KCNJ6: variants seen among roughly 807,000 people sequenced by gnomAD.
KCNJ6 encodes the protein G protein-activated inward rectifier potassium channel 2.
KCNJ6 carries 9 observed loss-of-function variants against 34.2 expected under a neutral mutation model. That is an observed-to-expected ratio of 0.26 (90% CI 0.16 to 0.46). The LOEUF is 0.46. Among genes scored for constraint, KCNJ6 ranks in the 20% least tolerant of loss-of-function variants. KCNJ6 has a pLI of 1.00. For synonymous variants in KCNJ6, 196 were observed against 207.1 expected (o/e 0.95, Z 0.46); for missense variants, 236 against 531.3 (o/e 0.44, Z 5.46).
In KCNJ6 at chr21:37,735,556, C is replaced by T. The variant is rs142869971; in HGVS notation, c.26-20425G>A. ...ATGATGACTTGGCAACTAGGGAGGT[C>T]GGGGCCAGGGCCAGTGTAGTATCCA... is the stretch of plus-strand genomic sequence containing the variant. On this transcript the variant is annotated intron_variant, in intron 2 of 3. Coordinates refer to ENST00000609713, the MANE Select transcript of KCNJ6 (RefSeq NM_002240.5). Among the ~76,000 whole-genome samples the T allele has an allele frequency of 1.5e-3, 232 of 152,292 alleles. 5 individuals carry two copies. The East Asian group carries it at 0.042, about 27-fold the overall frequency.
chr21:37,845,221 G>A (rs2055500573), intron 1 of KCNJ6, among the ~76,000 whole-genome samples: 2 of 152,186 alleles, frequency 1.3e-5, no homozygotes, highest in African/African-American at 4.8e-5. Context: ...TTCCCTGGGG[G>A]AGCCAAGGGT....
chr21:37,721,601 G>C (rs2054826617), intron 2 of KCNJ6, among the ~76,000 whole-genome samples: 1 of 152,222 alleles, frequency 6.6e-6, no homozygotes, highest in African/African-American at 2.4e-5. Flanking sequence ...AAAGGAAGGA[G>C]ATTCTGATAT....
intron 2 of KCNJ6, among the ~76,000 whole-genome samples, chr21:37,747,546 T>A (rs2054973453): frequency 6.6e-6 from 1 of 152,338 alleles, no homozygotes; most frequent in East Asian, 1.9e-4. Context: ...AGGTTGCTAA[T>A]CAGCTGACCT....
chr21:37,880,852 C>G (rs1053977689), intron 1 of KCNJ6, among the ~76,000 whole-genome samples: 1 of 152,198 alleles, frequency 6.6e-6, no homozygotes, highest in South Asian at 2.1e-4. Context: ...CCAAGGAAAA[C>G]AGATGAGAAC....
chr21:37,673,055 G>A (rs765110050), intron 3 of KCNJ6, among the ~76,000 whole-genome samples: 5 of 152,200 alleles, frequency 3.3e-5, no homozygotes, highest in Non-Finnish European at 7.3e-5. Context: ...TTCTCAAAAC[G>A]TTTTTAATGA....
At chr21:37,818,164 G>A (rs2029932397) in intron 2 of KCNJ6, among the ~76,000 whole-genome samples, 1 of 151,430 alleles carries the variant, frequency 6.6e-6, no homozygotes, top group Non-Finnish European at 1.5e-5. Context: ...TACATTTCTT[G>A]CTATATATAG....
intron 3 of KCNJ6, among the ~76,000 whole-genome samples, chr21:37,626,997 T>G (rs1191927429): frequency 1.3e-5 from 2 of 152,204 alleles, no homozygotes; most frequent in Non-Finnish European, 2.9e-5. Context: ...CCAGTCAGTA[T>G]GTCATCTGTT....
intron 2 of KCNJ6, among the ~76,000 whole-genome samples, chr21:37,822,861 C>A (rs1386557907): frequency 6.6e-6 from 1 of 152,046 alleles, no homozygotes; most frequent in Non-Finnish European, 1.5e-5. Flanking sequence ...GAATTGACAC[C>A]AAAACGGGGG....
At chr21:37,652,873 T>C (rs2054440116) in intron 3 of KCNJ6, among the ~76,000 whole-genome samples, 1 of 152,170 alleles carries the variant, frequency 6.6e-6, no homozygotes, top group Non-Finnish European at 1.5e-5. Flanking sequence ...AGCTAGGGGA[T>C]TCCTGTCTGA....
At chr21:37,796,097 C>T (rs541337854) in intron 2 of KCNJ6, among the ~76,000 whole-genome samples, 3 of 152,250 alleles carry the variant, frequency 2.0e-5, no homozygotes, top group South Asian at 2.1e-4. Flanking sequence ...GCGCTGTGAT[C>T]GGCTTCTATG....
Position 37,699,348 on chromosome 21 carries a change from A to G in KCNJ6, c.946+14863T>C, listed in dbSNP as rs1378836921. Among the ~76,000 whole-genome samples the G allele has an allele frequency of 4.6e-5, 7 of 152,084 alleles. No homozygotes were observed. The East Asian group carries it at 1.2e-3, about 25-fold the overall frequency. ...TTTTACCTTTCAAAAGGCCTTTTGC[A>G]TAGTTTTGGAGGCTCATCCTTCCCA... On this transcript the variant is annotated intron_variant, in intron 3 of 3. Coordinates refer to ENST00000609713, the MANE Select transcript of KCNJ6 (RefSeq NM_002240.5).
intron 2 of KCNJ6, among the ~76,000 whole-genome samples, chr21:37,760,539 G>T (rs986173688): frequency 6.6e-6 from 1 of 152,196 alleles, no homozygotes; most frequent in East Asian, 1.9e-4. Flanking sequence ...GTCCAACAGC[G>T]TGAGGCTTCT....
rs1255465719 is a variant in KCNJ6 at position 37,609,807 on chromosome 21, T to G, written c.*15352A>C. 2 of 152,200 alleles carry G rather than the reference T, an allele frequency of 1.3e-5. No individual in the cohort carries two copies. Among genetic ancestry groups the G allele is most frequent in the African/African-American group, 2.4e-5 (1 of 41,432 alleles). The allele number at this position is 152,200 out of a possible 1,614,324, so 9.4% of individuals were successfully genotyped here. A position where few individuals can be genotyped will look rare whatever the true frequency, so the allele number is the denominator to read the frequency against. On this transcript the variant is annotated 3_prime_UTR_variant, in exon 4 of 4. Coordinates refer to ENST00000609713, the MANE Select transcript of KCNJ6 (RefSeq NM_002240.5). The stretch of plus-strand genomic sequence containing the variant: ...CTGGATTTGGGTTAAAAGCAAATTG[T>G]CAGTAGCCTGCTGGAGCTGAAGGAA...
At position 37,823,146 on chromosome 21, in the gene KCNJ6, C is replaced by T. The variant is rs188149258; in HGVS notation, c.25+17512G>A. Among the ~76,000 whole-genome samples the T allele has an allele frequency of 1.4e-3, 210 of 152,240 alleles. 1 individual carries two copies. The highest frequency in any genetic ancestry group is 4.7e-3 in the African/African-American group (196 of 41,544). On this transcript the variant is annotated intron_variant, in intron 2 of 3. Transcript: ENST00000609713. ...CAGGCAGGCCCCCAGCCCCAGTCTG[C>T]AGGCCAGCACCTGCCGAACCAGCCC...
chr21:37,629,805 G>A (rs985891906), intron 3 of KCNJ6, among the ~76,000 whole-genome samples: 2 of 152,180 alleles, frequency 1.3e-5, no homozygotes, highest in African/African-American at 4.8e-5. Flanking sequence ...TTTCCGTAGT[G>A]CCATTTGAAG....
At chr21:37,710,041 CTTCT>C (rs936091039) in intron 3 of KCNJ6, among the ~76,000 whole-genome samples, 13 of 150,956 alleles carry the variant, frequency 8.6e-5, no homozygotes, top group African/African-American at 3.1e-4. Flanking sequence ...CAGAAGTTAT[CTTCT>C]TTAAGAAAAA....
chr21:37,882,916 A>G (rs1015609982), intron 1 of KCNJ6, among the ~76,000 whole-genome samples: 3 of 152,228 alleles, frequency 2.0e-5, no homozygotes, highest in African/African-American at 7.2e-5. Context: ...TTGTGTGCAA[A>G]CAAGTGGGCA....
chr21:37,766,196 A>G (rs1308478647), intron 2 of KCNJ6, among the ~76,000 whole-genome samples: 1 of 152,180 alleles, frequency 6.6e-6, no homozygotes, highest in Non-Finnish European at 1.5e-5. Context: ...TTTGGGAAGA[A>G]CTGGGGTAAC....
chr21:37,698,589 G>A (rs2054674654), intron 3 of KCNJ6, among the ~76,000 whole-genome samples: 1 of 152,162 alleles, frequency 6.6e-6, no homozygotes, highest in Admixed American at 6.5e-5. Context: ...GAGTGCAGTG[G>A]CACCATCATA....
Sources: allele counts gnomAD v4.1 joint callset (sites outside exome capture counted in the v4.1 genomes callset), GRCh38; gene constraint gnomAD v4.1.1; transcripts MANE v1.5; gene names NCBI Gene and HGNC (gene_info 2026-07-23, HGNC 2026-07-21).